Variants in SUMF1 observed in about 807,000 individuals in gnomAD.
SUMF1 encodes sulfatase modifying factor 1.
SUMF1 carries 48 observed loss-of-function variants against 47.6 expected under a neutral mutation model. The observed-to-expected ratio is 1.01, with a 90% CI of 0.80 to 1.28. SUMF1 has a LOEUF of 1.28. Ranked by LOEUF, SUMF1 falls within the 50% of genes most tolerant of loss-of-function variation. The pLI is 0.00. For missense variants in SUMF1, 571 were observed against 485.4 expected (o/e 1.18, Z -1.66); for synonymous variants, 230 against 192.1 (o/e 1.20, Z -1.63).
chr3:4,409,938 G>C (rs1701490092), intron 7 of SUMF1, among the ~76,000 whole-genome samples: 1 of 152,196 alleles, frequency 6.6e-6, no homozygotes, highest in African/African-American at 2.4e-5. Flanking sequence ...CCTATATTGA[G>C]AAGATATTGA....
At chr3:4,228,781 G>C (rs1418876981) in intron 8 of SUMF1, among the ~76,000 whole-genome samples, 5 of 152,000 alleles carry the variant, frequency 3.3e-5, no homozygotes, top group Admixed American at 6.6e-5. Context: ...AGTAATAAAA[G>C]TACCCAGTGG....
intron 8 of SUMF1, among the ~76,000 whole-genome samples, chr3:4,236,089 A>G (rs1322715811): frequency 6.6e-6 from 1 of 152,116 alleles, no homozygotes; most frequent in Non-Finnish European, 1.5e-5. Flanking sequence ...ATAACCAGGC[A>G]TGCATCACCA....
At chr3:4,266,328 C>T (rs1195066224) in intron 8 of SUMF1, among the ~76,000 whole-genome samples, 1 of 152,096 alleles carries the variant, frequency 6.6e-6, no homozygotes, top group East Asian at 1.9e-4. Context: ...GGCAGTATGG[C>T]CATTTTCACG....
intron 8 of SUMF1, among the ~76,000 whole-genome samples, chr3:4,365,475 CTTCT>C (rs1315144984): frequency 2.4e-4 from 31 of 131,520 alleles, no homozygotes; most frequent in African/African-American, 8.4e-4. Flanking sequence ...ATGTAATGGC[CTTCT>C]TTGTCTCTTT....
At chr3:4,255,928 G>A (rs1164379306) in intron 8 of SUMF1, among the ~76,000 whole-genome samples, 2 of 118,074 alleles carry the variant, frequency 1.7e-5, no homozygotes, top group East Asian at 4.4e-4. Flanking sequence ...TCAGACCACA[G>A]TGCAATCAAA....
intron 8 of SUMF1, among the ~76,000 whole-genome samples, chr3:4,207,933 G>C (rs966636833): frequency 6.6e-6 from 1 of 152,096 alleles, no homozygotes; most frequent in African/African-American, 2.4e-5. Context: ...AAACTCCAGG[G>C]AGAATGAGTC....
intron 8 of SUMF1, among the ~76,000 whole-genome samples, chr3:4,083,966 C>G (rs73806869): frequency 0.014 from 2,054 of 151,804 alleles, 47 homozygotes; most frequent in African/African-American, 0.043. Flanking sequence ...TTTATGATGT[C>G]TTTCAATTTT....
intron 8 of SUMF1, among the ~76,000 whole-genome samples, chr3:4,200,973 C>A (rs1695528783): frequency 6.6e-6 from 1 of 151,304 alleles, no homozygotes; most frequent in Non-Finnish European, 1.5e-5. Flanking sequence ...ATAGCATAAA[C>A]CCTCCAACTT....
chr3:4,349,230 A>G (rs1484892427), intron 8 of SUMF1, among the ~76,000 whole-genome samples: 1 of 152,248 alleles, frequency 6.6e-6, no homozygotes, highest in African/African-American at 2.4e-5. Flanking sequence ...TATGCAGCCA[A>G]TGGACATATG....
At chr3:4,266,374 CT>C (rs1197336483) in intron 8 of SUMF1, among the ~76,000 whole-genome samples, 23 of 152,136 alleles carry the variant, frequency 1.5e-4, no homozygotes, top group Non-Finnish European at 2.9e-4. Flanking sequence ...ATGGAATGTT[CT>C]TCCATTTGTT....
At chr3:4,066,070 G>C (rs1415279116) in intron 9 of SUMF1, among the ~76,000 whole-genome samples, 1 of 151,972 alleles carries the variant, frequency 6.6e-6, no homozygotes, top group Non-Finnish European at 1.5e-5. Context: ...TGAGCCTCCT[G>C]GGGCATAAAG....
chr3:4,058,031 T>C (rs1046135883), intron 9 of SUMF1, among the ~76,000 whole-genome samples: 17 of 152,096 alleles, frequency 1.1e-4, no homozygotes, highest in African/African-American at 3.9e-4. Context: ...CTGGACACTG[T>C]TGTAAGTACT....
intron 7 of SUMF1, among the ~76,000 whole-genome samples, chr3:4,388,961 T>G (rs979830104): frequency 9.9e-5 from 15 of 152,216 alleles, no homozygotes; most frequent in African/African-American, 3.6e-4. Flanking sequence ...TCAGACAATG[T>G]TATAATTTGT....
At chr3:4,417,012 A>C in intron 6 of SUMF1, 116 bp downstream of exon 6, 1 of 918,782 alleles carries the variant, frequency 1.1e-6, no homozygotes, top group Admixed American at 1.7e-5. Context: ...CAGTGAATGC[A>C]TACACGAAGG....
At chr3:4,313,348 G>A (rs1054156429) in intron 8 of SUMF1, 1 of 1,613,844 alleles carries the variant, frequency 6.2e-7, no homozygotes, top group African/African-American at 1.3e-5. Context: ...TGTTTATAAT[G>A]GGCAGGTAAT....
At chr3:4,367,143 A>C (rs9854051) in intron 8 of SUMF1, among the ~76,000 whole-genome samples, 46,802 of 151,850 alleles carry the variant, frequency 0.31, 7,595 homozygotes, top group South Asian at 0.48. Context: ...GGGGTGCCTC[A>C]CAGTTAGGCT....
At chr3:4,268,215 A>G (rs565545546) in intron 8 of SUMF1, among the ~76,000 whole-genome samples, 11 of 152,006 alleles carry the variant, frequency 7.2e-5, no homozygotes, top group Non-Finnish European at 1.3e-4. Context: ...GAGGGGGAAC[A>G]TCACACTCTG....
At chr3:4,339,564 G>A (rs1699226374) in intron 8 of SUMF1, among the ~76,000 whole-genome samples, 1 of 152,186 alleles carries the variant, frequency 6.6e-6, no homozygotes, top group Non-Finnish European at 1.5e-5. Flanking sequence ...CCAGTCTGTT[G>A]TAGCTGCGGA....
intron 8 of SUMF1, among the ~76,000 whole-genome samples, chr3:4,170,408 G>A (rs1032937197): frequency 2.6e-5 from 4 of 152,182 alleles, no homozygotes; most frequent in African/African-American, 7.2e-5. Flanking sequence ...TTTCTAACAA[G>A]TTCCAATGGC....
Sources: allele counts gnomAD v4.1 joint callset (sites outside exome capture counted in the v4.1 genomes callset), GRCh38; gene constraint gnomAD v4.1.1; transcripts MANE v1.5; gene names NCBI Gene and HGNC (gene_info 2026-07-23, HGNC 2026-07-21).